The following NSG2 variants were observed in gnomAD, a reference collection of about 807,000 sequenced individuals.
NSG2 encodes the protein neuronal vesicle trafficking associated 2.
NSG2 carries 4 observed loss-of-function variants against 16.9 expected under a neutral mutation model. The ratio of observed to expected loss-of-function variants is 0.24; its 90% confidence interval spans 0.12 to 0.54. The LOEUF is 0.54. Among genes scored for constraint, NSG2 ranks in the 20% least tolerant of loss-of-function variants. The probability of loss-of-function intolerance (pLI) is 0.95; values close to 1 mark genes in which losing one functional copy is unlikely to be tolerated. For missense variants in NSG2, 179 were observed against 221.1 expected (o/e 0.81, Z 1.21); for synonymous variants, 98 against 88.7 (o/e 1.11, Z -0.59).
rs1369460812 is a variant in NSG2 at position 174,046,678 on chromosome 5, G to A, written c.-22-56G>A. 4 of 1,556,186 alleles carry A rather than the reference G, an allele frequency of 2.6e-6. No homozygotes were observed. The African/African-American group carries it at 5.4e-5, about 21-fold the overall frequency. ...GACAGTGCTATTTTCTCTGTCGTCAGCCCTCTCTTTCTGCCTCACCTCCTG... is the reference window on the plus strand; with the variant it reads ...GACAGTGCTATTTTCTCTGTCGTCAACCCTCTCTTTCTGCCTCACCTCCTG... On this transcript the variant is annotated intron_variant, in intron 1 of 4. Coordinates refer to ENST00000303177, the MANE Select transcript of NSG2 (RefSeq NM_015980.5).
At chr5:174,079,653 G>A (rs1760414567) in intron 3 of NSG2, among the ~76,000 whole-genome samples, 4 of 152,048 alleles carry the variant, frequency 2.6e-5, no homozygotes, top group Admixed American at 2.6e-4. Flanking sequence ...TTATCTGGCT[G>A]GACCATTTGT....
intron 3 of NSG2, among the ~76,000 whole-genome samples, chr5:174,079,450 G>A (rs1760410177): frequency 6.6e-6 from 1 of 152,112 alleles, no homozygotes. Context: ...TAGAGACGGG[G>A]TTTCACCATG....
intron 3 of NSG2, among the ~76,000 whole-genome samples, chr5:174,077,365 C>G (rs1290179476): frequency 4.6e-5 from 7 of 152,128 alleles, no homozygotes; most frequent in Admixed American, 3.3e-4. Context: ...TCAAACCATT[C>G]TGGGGCTTCT....
intron 3 of NSG2, among the ~76,000 whole-genome samples, chr5:174,096,733 GATAA>G (rs1335285819): frequency 6.6e-6 from 1 of 152,204 alleles, no homozygotes; most frequent in East Asian, 1.9e-4. Flanking sequence ...GGCAGGGGGA[GATAA>G]ATAAGCTGTG....
Position 174,104,238 on chromosome 5 carries a change from T to C in NSG2, c.224T>C (p.Leu75Pro). The C allele has an allele frequency of 6.2e-7, 1 of 1,614,004 alleles. No homozygotes were observed. Among genetic ancestry groups the C allele is most frequent in the Non-Finnish European group, 8.5e-7 (1 of 1,179,900 alleles). Residue 75 changes from leucine to proline, a missense_variant, in exon 4 of 5, where the codon CTT becomes CCT. Transcript: ENST00000303177. ...TTTGTATTCCTCCAGGTCACCATCCTTGTCAGCCTGGCCCTAGCTTTCCTT... is the reference window on the plus strand; with the variant it reads ...TTTGTATTCCTCCAGGTCACCATCCCTGTCAGCCTGGCCCTAGCTTTCCTT... ...PKIAEFTVTI[L>P]VSLALAFLAC...
At chr5:174,058,425 T>C (rs1441334776) in intron 2 of NSG2, among the ~76,000 whole-genome samples, 2 of 152,088 alleles carry the variant, frequency 1.3e-5, no homozygotes, top group African/African-American at 4.8e-5. Flanking sequence ...AGCGAGACTC[T>C]GTAAAAAACA....
intron 2 of NSG2, among the ~76,000 whole-genome samples, chr5:174,047,494 A>G (rs1759818400): frequency 6.6e-6 from 1 of 152,206 alleles, no homozygotes; most frequent in Non-Finnish European, 1.5e-5. Context: ...GGCAAACTGC[A>G]GAGGAGAGCA....
At chr5:174,056,931 A>T (rs2113425275) in intron 2 of NSG2, among the ~76,000 whole-genome samples, 1 of 152,374 alleles carries the variant, frequency 6.6e-6, no homozygotes, top group South Asian at 2.1e-4. Context: ...TGACACGGGA[A>T]TTATATCCAG....
Position 174,073,464 on chromosome 5 carries a change from A to T in NSG2, c.213+9149A>T, listed in dbSNP as rs370283365. ...GCATGGAAAGAATTTGCACATGAGG[A>T]CTTGGTGGAGAAAGGCTGCCAGAGT... On this transcript the variant is annotated intron_variant, in intron 3 of 4. Transcript: ENST00000303177. Among the ~76,000 whole-genome samples the T allele has an allele frequency of 9.2e-5, 14 of 152,302 alleles. No individual in the cohort carries two copies. The East Asian group carries it at 2.7e-3, about 29-fold the overall frequency.
At chr5:174,102,932 C>T (rs1003697713) in intron 3 of NSG2, among the ~76,000 whole-genome samples, 2 of 148,410 alleles carry the variant, frequency 1.3e-5, no homozygotes, top group Non-Finnish European at 3.0e-5. Flanking sequence ...GTGCCTGCCA[C>T]CACCCTGGCT....
intron 3 of NSG2, among the ~76,000 whole-genome samples, chr5:174,084,423 T>C (rs1760559203): frequency 6.6e-6 from 1 of 152,032 alleles, no homozygotes; most frequent in Admixed American, 6.5e-5. Flanking sequence ...TAGAGATGAG[T>C]CCTCAGGGCC....
intron 2 of NSG2, among the ~76,000 whole-genome samples, chr5:174,061,623 GA>G (rs1403949228): frequency 6.6e-6 from 1 of 150,386 alleles, no homozygotes; most frequent in Non-Finnish European, 1.5e-5. Flanking sequence ...TTCTTTTTTT[GA>G]GACAGAGTGT....
chr5:174,102,754 TTTTATTTATTTA>T (rs1176455020), intron 3 of NSG2, among the ~76,000 whole-genome samples: 155 of 90,848 alleles, frequency 1.7e-3, no homozygotes, highest in South Asian at 3.0e-3. Flanking sequence ...GCTTTGTTTT[TTTTATTTATTTA>T]TTTATTTATT....
intron 3 of NSG2, among the ~76,000 whole-genome samples, chr5:174,065,802 C>G (rs1279602332): frequency 6.6e-6 from 1 of 152,182 alleles, no homozygotes; most frequent in Non-Finnish European, 1.5e-5. Flanking sequence ...TCCACCTTAT[C>G]CTAGCTGTGT....
At position 174,095,253 on chromosome 5, in the gene NSG2, G is replaced by A. The variant is rs141694273; in HGVS notation, c.214-8975G>A. 1.7e-3 allele frequency among the ~76,000 whole-genome samples: 261 copies of A among 152,266 alleles called. 1 individual carries two copies. The highest frequency in any genetic ancestry group is 6.0e-3 in the African/African-American group (248 of 41,552). ...CGTATACCAGGCACTGTGGGAGGGC[G>A]CTGTATTCATTTCCTGGAGCTGCCA... On this transcript the variant is annotated intron_variant, in intron 3 of 4. Transcript: ENST00000303177.
chr5:174,067,618 T>C (rs556277313), intron 3 of NSG2, among the ~76,000 whole-genome samples: 137 of 152,334 alleles, frequency 9.0e-4, no homozygotes, highest in African/African-American at 3.3e-3. Flanking sequence ...TATGTAAAGC[T>C]GCAAGAATTA....
chr5:174,057,835 A>G (rs369858859), intron 2 of NSG2, among the ~76,000 whole-genome samples: 189 of 152,114 alleles, frequency 1.2e-3, no homozygotes, highest in African/African-American at 4.5e-3. Context: ...ATGTCTTCTG[A>G]AGGTTTGCTG....
intron 2 of NSG2, 25 bp downstream of exon 2, chr5:174,046,909 T>TC: frequency 6.2e-7 from 1 of 1,611,962 alleles, no homozygotes; most frequent in Non-Finnish European, 8.5e-7. Flanking sequence ...CTTGCTCTCA[T>TC]CAGCCCCCAG....
intron 3 of NSG2, among the ~76,000 whole-genome samples, chr5:174,071,569 T>C (rs1399295318): frequency 1.3e-5 from 2 of 152,340 alleles, no homozygotes; most frequent in East Asian, 3.9e-4. Context: ...AAAACCCCAG[T>C]TGCAGTTTCA....
Sources: allele counts gnomAD v4.1 joint callset (sites outside exome capture counted in the v4.1 genomes callset), GRCh38; gene constraint gnomAD v4.1.1; transcripts MANE v1.5; gene names NCBI Gene and HGNC (gene_info 2026-07-23, HGNC 2026-07-21).